The following PDE2A variants were observed in gnomAD, a reference collection of about 807,000 sequenced individuals.
PDE2A encodes cGMP-dependent 3',5'-cyclic phosphodiesterase.
PDE2A carries 53 observed loss-of-function variants against 133.6 expected under a neutral mutation model. The ratio of observed to expected loss-of-function variants is 0.40; its 90% confidence interval spans 0.32 to 0.50. PDE2A has a LOEUF of 0.50. PDE2A is among the 20% of genes least tolerant of loss of function. The probability of loss-of-function intolerance (pLI) is 0.73; values close to 1 mark genes in which losing one functional copy is unlikely to be tolerated. For missense variants in PDE2A, 796 were observed against 1,232.4 expected (o/e 0.65, Z 5.30); for synonymous variants, 491 against 490.2 (o/e 1.00, Z -0.02).
At chr11:72,613,043 C>T (rs1031411236) in intron 2 of PDE2A, among the ~76,000 whole-genome samples, 18 of 152,130 alleles carry the variant, frequency 1.2e-4, no homozygotes, top group Non-Finnish European at 2.2e-4. Context: ...GGTCTTATCC[C>T]CTTTGGAGCC....
intron 2 of PDE2A, among the ~76,000 whole-genome samples, chr11:72,639,781 A>G (rs1433454368): frequency 6.6e-6 from 1 of 152,146 alleles, no homozygotes; most frequent in Admixed American, 6.5e-5. Context: ...GGCAAAGGGT[A>G]GGGGCAGCTG....
At chr11:72,653,548 G>T (rs1267802507) in intron 1 of PDE2A, among the ~76,000 whole-genome samples, 1 of 152,150 alleles carries the variant, frequency 6.6e-6, no homozygotes, top group Non-Finnish European at 1.5e-5. Flanking sequence ...GTGGATAGAG[G>T]CATGACAGGA....
At chr11:72,644,025 T>C (rs993456925) in intron 1 of PDE2A, among the ~76,000 whole-genome samples, 1 of 152,150 alleles carries the variant, frequency 6.6e-6, no homozygotes, top group African/African-American at 2.4e-5. Flanking sequence ...TTCTACTTCT[T>C]GCTCTTCTCA....
rs562583011 is a variant in PDE2A at position 72,581,266 on chromosome 11, G to A, written c.2045+91C>T. ...CTAAGAAGATCCCATGAGGCAGTGCGTGTAAAGTGCCTGACACACAGGGGG... is the reference window on the plus strand; with the variant it reads ...CTAAGAAGATCCCATGAGGCAGTGCATGTAAAGTGCCTGACACACAGGGGG... On this transcript the variant is annotated intron_variant, in intron 23 of 30. Coordinates refer to ENST00000334456, the MANE Select transcript of PDE2A (RefSeq NM_002599.5). The A allele has an allele frequency of 1.9e-4, 250 of 1,317,950 alleles. 1 individual carries two copies. The highest frequency in any genetic ancestry group is 9.4e-4 in the Middle Eastern group (5 of 5,316). The allele number at this position is 1,317,950 out of a possible 1,614,324, so 81.6% of individuals were successfully genotyped here.
chr11:72,657,610 C>T (rs12362256), intron 1 of PDE2A, among the ~76,000 whole-genome samples: 58,858 of 152,052 alleles, frequency 0.39, 13,419 homozygotes, highest in Middle Eastern at 0.61. Flanking sequence ...GTTGTCATAG[C>T]GATGCTGGAT....
At chr11:72,594,538 C>T (rs905095708) in intron 6 of PDE2A, among the ~76,000 whole-genome samples, 1 of 152,134 alleles carries the variant, frequency 6.6e-6, no homozygotes, top group African/African-American at 2.4e-5. Context: ...AAACACCTTT[C>T]AAGAGTTCTT....
chr11:72,637,402 C>T (rs1474402178), intron 2 of PDE2A, among the ~76,000 whole-genome samples: 2 of 152,286 alleles, frequency 1.3e-5, no homozygotes, highest in Admixed American at 6.5e-5. Context: ...CTGCTCATCT[C>T]TTCCCACCCT....
chr11:72,627,207 C>T (rs1392842690), intron 2 of PDE2A, among the ~76,000 whole-genome samples: 2 of 152,346 alleles, frequency 1.3e-5, no homozygotes, highest in East Asian at 1.9e-4. Flanking sequence ...ATACCAAGCA[C>T]CACATGGGCC....
At chr11:72,594,907 T>C (rs563218083) in intron 6 of PDE2A, among the ~76,000 whole-genome samples, 5 of 152,240 alleles carry the variant, frequency 3.3e-5, no homozygotes, top group African/African-American at 7.2e-5. Context: ...AGGGTGTCCC[T>C]GCCTTCCCCC....
At chr11:72,640,611 C>T (rs1018450590) in intron 2 of PDE2A, among the ~76,000 whole-genome samples, 1 of 152,154 alleles carries the variant, frequency 6.6e-6, no homozygotes, top group African/African-American at 2.4e-5. Flanking sequence ...GACTCTAAGC[C>T]AGCCACCTAG....
chr11:72,599,698 A>G (rs1234811973), intron 4 of PDE2A, among the ~76,000 whole-genome samples: 2 of 152,194 alleles, frequency 1.3e-5, no homozygotes, highest in African/African-American at 4.8e-5. Flanking sequence ...TCTAGATGAA[A>G]AACCTCGGGG....
chr11:72,583,202 C>G (rs779622950), intron 20 of PDE2A, among the ~76,000 whole-genome samples: 1 of 152,170 alleles, frequency 6.6e-6, no homozygotes, highest in African/African-American at 2.4e-5. Context: ...CTGGCTGAAC[C>G]AATTACTCCC....
chr11:72,584,037 G>A (rs956157527), intron 19 of PDE2A, among the ~76,000 whole-genome samples, 164 bp downstream of exon 19: 23 of 152,254 alleles, frequency 1.5e-4, no homozygotes, highest in Non-Finnish European at 3.1e-4. Flanking sequence ...ACTGAGCCCA[G>A]AGGTGGCCAG....
chr11:72,617,083 C>G (rs1857511154), intron 2 of PDE2A, among the ~76,000 whole-genome samples: 1 of 152,228 alleles, frequency 6.6e-6, no homozygotes, highest in Admixed American at 6.5e-5. Flanking sequence ...TCCCAGAGTC[C>G]TGCTTGTCTT....
At chr11:72,591,843 G>A (rs542199315) in intron 6 of PDE2A, among the ~76,000 whole-genome samples, 1 of 152,328 alleles carries the variant, frequency 6.6e-6, no homozygotes, top group East Asian at 1.9e-4. Context: ...TGAATAAATG[G>A]ATAAATGGGT....
chr11:72,642,370 G>A (rs772166146), intron 1 of PDE2A, 44 bp from the exon 2 acceptor site: 16 of 1,361,278 alleles, frequency 1.2e-5, no homozygotes, highest in Middle Eastern at 1.9e-4. Flanking sequence ...TGCAGCACCA[G>A]GACCATGCTC....
intron 20 of PDE2A, among the ~76,000 whole-genome samples, chr11:72,583,163 G>A (rs550627821): frequency 2.6e-5 from 4 of 152,334 alleles, no homozygotes; most frequent in African/African-American, 7.2e-5. Flanking sequence ...TTCCCAAGAT[G>A]GGAATTATTC....
chr11:72,663,443 T>G lies in PDE2A; in HGVS notation c.71+10694A>C, dbSNP rs932850328. 1.3e-5 allele frequency among the ~76,000 whole-genome samples: 2 copies of G among 152,138 alleles called. 1 individual carries two copies. The highest frequency in any genetic ancestry group is 2.9e-5 in the Non-Finnish European group (2 of 68,008). On this transcript the variant is annotated intron_variant, in intron 1 of 30. Transcript: ENST00000334456. ...CTCAGTGAATGTGACAAAGTGAGTG[T>G]TCAGGCCAGGTGCAGTGGTTCACGC...
intron 22 of PDE2A, 96 bp from the exon 23 acceptor site, chr11:72,581,575 G>T: frequency 7.3e-7 from 1 of 1,371,362 alleles, no homozygotes; most frequent in Non-Finnish European, 9.9e-7. Flanking sequence ...ATCCCTGAGG[G>T]ACCCTCCACA....
Sources: gnomAD v4.1 joint callset for allele counts (sites outside exome capture counted in the v4.1 genomes callset) on GRCh38, gnomAD v4.1.1 for gene constraint, MANE v1.5 for transcripts, NCBI Gene and HGNC (gene_info 2026-07-23, HGNC 2026-07-21) for gene names.